Variants in ULK2 observed in about 807,000 individuals in gnomAD.
The protein encoded by ULK2 is serine/threonine-protein kinase ULK2.
ULK2 carries 76 observed loss-of-function variants against 127.5 expected under a neutral mutation model. That is an observed-to-expected ratio of 0.60 (90% confidence interval 0.50 to 0.72). The LOEUF (loss-of-function observed/expected upper bound fraction) is 0.72. Ranked by LOEUF, ULK2 falls within the 30% of genes least tolerant of loss-of-function variation. ULK2 has a pLI of 0.00. For synonymous variants in ULK2, 452 were observed against 461.9 expected, an observed-to-expected ratio of 0.98 and a Z score of 0.28; for missense variants, 1,144 against 1,295.9, an observed-to-expected ratio of 0.88 and a Z score of 1.80.
In ULK2 at chr17:19,773,543, A is replaced by G. The variant is rs2086765792; in HGVS notation, c.*2806T>C. ...GAGGTTGTTTCTCTCAACTAAAGTT[A>G]TCAAAATTGGGTGTTGTAATTTTTA... On this transcript the variant is annotated 3_prime_UTR_variant, in exon 27 of 27. Coordinates refer to ENST00000395544, the MANE Select transcript of ULK2 (RefSeq NM_014683.4). 1 of 152,232 alleles carries G rather than the reference A, an allele frequency of 6.6e-6. No homozygotes were observed. Among genetic ancestry groups the G allele is most frequent in the African/African-American group, 2.4e-5 (1 of 41,464 alleles). 9.4% of individuals were successfully genotyped at this position (152,232 alleles called of 1,614,324 possible). A position where few individuals can be genotyped will look rare whatever the true frequency, so the allele number is the denominator to read the frequency against.
intron 14 of ULK2, among the ~76,000 whole-genome samples, chr17:19,809,732 CAAAAAAAAAA>C (rs369486144): frequency 3.3e-5 from 3 of 90,500 alleles, no homozygotes; most frequent in African/African-American, 4.8e-5. Context: ...GACTCCGTCT[CAAAAAAAAAA>C]AAAAAAAAAA....
chr17:19,780,150 G>C (rs891154016), intron 25 of ULK2, among the ~76,000 whole-genome samples: 2 of 150,952 alleles, frequency 1.3e-5, no homozygotes, highest in African/African-American at 4.9e-5. Flanking sequence ...CTCCAGCCTG[G>C]GCGACAGAGT....
chr17:19,812,945 C>T (rs1339994609), intron 13 of ULK2, among the ~76,000 whole-genome samples: 1 of 152,036 alleles, frequency 6.6e-6, no homozygotes, highest in East Asian at 1.9e-4. Context: ...ATACTTGGGA[C>T]AGAGTAAAAC....
intron 12 of ULK2, among the ~76,000 whole-genome samples, chr17:19,820,090 C>G (rs1040678348): frequency 6.6e-6 from 1 of 150,406 alleles, no homozygotes; most frequent in Non-Finnish European, 1.5e-5. Flanking sequence ...CGCTCTATCA[C>G]CAGGCTGGAG....
At chr17:19,867,092 C>T (rs1214055222) in intron 1 of ULK2, among the ~76,000 whole-genome samples, 3 of 152,164 alleles carry the variant, frequency 2.0e-5, no homozygotes, top group Admixed American at 6.5e-5. Flanking sequence ...GGGTGGGCCC[C>T]GGGCACACAG....
At chr17:19,841,572 T>C (rs2041758143) in intron 8 of ULK2, 25 bp from the exon 9 acceptor site, 3 of 1,540,546 alleles carry the variant, frequency 1.9e-6, no homozygotes, top group African/African-American at 1.4e-5. Context: ...AAGGTTTAAT[T>C]TCCTAAACAA....
Position 19,835,799 on chromosome 17 carries a change from A to G in ULK2, c.787+2702T>C, listed in dbSNP as rs184395137. Among the ~76,000 whole-genome samples, 190 of 151,944 alleles carry G rather than the reference A, an allele frequency of 1.3e-3. 3 individuals carry two copies. Among genetic ancestry groups the G allele is most frequent in the Middle Eastern group, 3.4e-3 (1 of 294 alleles). On this transcript the variant is annotated intron_variant, in intron 10 of 26. Transcript: ENST00000395544. ...TAGTACAAAAAAGCCAGAACACTCAATGAAAGAATTTAAATGGCACACTAG... is the reference window on the plus strand; with the variant it reads ...TAGTACAAAAAAGCCAGAACACTCAGTGAAAGAATTTAAATGGCACACTAG...
chr17:19,794,175 A>G (rs2087215434), intron 20 of ULK2, among the ~76,000 whole-genome samples: 1 of 152,182 alleles, frequency 6.6e-6, no homozygotes. Flanking sequence ...ACTAAAAAGC[A>G]AAGAGAAATA....
intron 3 of ULK2, among the ~76,000 whole-genome samples, chr17:19,856,673 C>T (rs2042135132): frequency 6.7e-6 from 1 of 150,304 alleles, no homozygotes; most frequent in Admixed American, 6.7e-5. Context: ...GTATTATTTG[C>T]TATAAAACGA....
intron 10 of ULK2, among the ~76,000 whole-genome samples, chr17:19,837,111 A>C (rs531184496): frequency 3.9e-5 from 6 of 151,940 alleles, no homozygotes; most frequent in South Asian, 4.2e-4. Flanking sequence ...AAAAAAAAAA[A>C]CAAAAGAATC....
chr17:19,772,184 T>G lies in ULK2; in HGVS notation c.*4165A>C, dbSNP rs1333130374. 1 of 152,278 alleles carries G rather than the reference T, an allele frequency of 6.6e-6. No individual in the cohort carries two copies. The highest frequency in any genetic ancestry group is 2.4e-5 in the African/African-American group (1 of 41,462). The allele number at this position is 152,278 out of a possible 1,614,324, so 9.4% of individuals were successfully genotyped here. A position where few individuals can be genotyped will look rare whatever the true frequency, so the allele number is the denominator to read the frequency against. On this transcript the variant is annotated 3_prime_UTR_variant, in exon 27 of 27. Coordinates refer to ENST00000395544, the MANE Select transcript of ULK2 (RefSeq NM_014683.4). ...CCTCTGCTCCTTTCCCTAGTACAGTTTGATCTCTGAATTCACTTTGATCTT... is the reference window on the plus strand; with the variant it reads ...CCTCTGCTCCTTTCCCTAGTACAGTGTGATCTCTGAATTCACTTTGATCTT...
chr17:19,855,097 C>T, intron 3 of ULK2, among the ~76,000 whole-genome samples: 1 of 120,984 alleles, frequency 8.3e-6, no homozygotes. Flanking sequence ...AAGATTCCAT[C>T]TCAAAAAAAA....
chr17:19,785,969 G>A lies in ULK2; in HGVS notation c.2219C>T (p.Thr740Ile). Reference protein sequence around the residue: ...PPHSAAAPTCTHMFLRTRTTS... With the variant: ...PPHSAAAPTCIHMFLRTRTTS... The stretch of plus-strand genomic sequence containing the variant: ...TGTTCTTGTTCGAAGGAACATGTGG[G>A]TACAAGTGGGGGCTGCCGCACTGTG... The change falls in exon 21 of 27, where the codon ACC (threonine) becomes ATC (isoleucine). Residue 740 changes from threonine to isoleucine, a missense_variant. Coordinates refer to ENST00000395544, the MANE Select transcript of ULK2 (RefSeq NM_014683.4). 1 of 1,593,780 alleles carries A rather than the reference G, an allele frequency of 6.3e-7. No homozygotes were observed. The highest frequency in any genetic ancestry group is 2.4e-5 in the East Asian group (1 of 42,230).
chr17:19,833,013 C>T (rs1194371567), intron 10 of ULK2, among the ~76,000 whole-genome samples: 2 of 151,430 alleles, frequency 1.3e-5, no homozygotes, highest in Non-Finnish European at 2.9e-5. Context: ...ATCCCAGCTA[C>T]TCGGGAGGCT....
intron 20 of ULK2, among the ~76,000 whole-genome samples, chr17:19,789,374 T>C (rs2087104484): frequency 6.6e-6 from 1 of 152,244 alleles, no homozygotes; most frequent in Non-Finnish European, 1.5e-5. Context: ...ACAGCATTAT[T>C]GGGCTTGGAG....
At chr17:19,866,889 G>A (rs967438277) in intron 1 of ULK2, among the ~76,000 whole-genome samples, 1 of 152,168 alleles carries the variant, frequency 6.6e-6, no homozygotes, top group Non-Finnish European at 1.5e-5. Context: ...GGCTGCGAAA[G>A]CCTGAGGCTA....
Position 19,796,249 on chromosome 17 carries a change from C to T in ULK2, c.1843G>A (p.Ala615Thr), listed in dbSNP as rs949873720. The change falls in exon 19 of 27, where the codon GCA (alanine) becomes ACA (threonine). Residue 615 changes from alanine (A) to threonine (T), a missense_variant. Physicochemically the swap from Ala to Thr is moderately conservative, Grantham distance 58. Coordinates refer to ENST00000395544, the MANE Select transcript of ULK2 (RefSeq NM_014683.4). ...ACCAAGGCTAACAGGTTGGAAGATG[C>T]TTGAGTTTTAGGGATTTTGAAAGGA... ...TAPFKIPKTQ[A>T]SSNLLALVTR... is the part of the protein sequence containing the mutation. 2 of 1,613,102 alleles carry T rather than the reference C, an allele frequency of 1.2e-6. No individual in the cohort carries two copies. Among genetic ancestry groups the T allele is most frequent in the Middle Eastern group, 1.7e-4 (1 of 6,058 alleles).
intron 10 of ULK2, among the ~76,000 whole-genome samples, chr17:19,837,003 T>G (rs1160056105): frequency 6.6e-6 from 1 of 151,490 alleles, no homozygotes; most frequent in Non-Finnish European, 1.5e-5. Context: ...GGAGAATCAC[T>G]TGCACCCAGG....
chr17:19,832,677 A>T (rs9912584), intron 10 of ULK2, among the ~76,000 whole-genome samples: 191 of 152,328 alleles, frequency 1.3e-3, no homozygotes, highest in African/African-American at 3.8e-3. Context: ...CCACTAAAAA[A>T]CTGTAGACAA....
Sources: allele counts gnomAD v4.1 joint callset (sites outside exome capture counted in the v4.1 genomes callset), GRCh38; gene constraint gnomAD v4.1.1; transcripts MANE v1.5; gene names NCBI Gene and HGNC (gene_info 2026-07-23, HGNC 2026-07-21).